CACNB2: variants seen among roughly 807,000 people sequenced by gnomAD.
CACNB2 encodes voltage-dependent L-type calcium channel subunit beta-2.
A neutral mutation model predicts 73.3 loss-of-function variants in CACNB2; 42 were observed. The ratio of observed to expected loss-of-function variants is 0.57; its 90% CI spans 0.45 to 0.74. The LOEUF (loss-of-function observed/expected upper bound fraction) is 0.74, where lower values mean the gene tolerates loss of function less well. Ranked by LOEUF, CACNB2 falls within the 30% of genes least tolerant of loss-of-function variation. The pLI is 0.00. For synonymous variants in CACNB2, 348 were observed against 310.3 expected (o/e 1.12, Z -1.28); for missense variants, 940 against 853.0 (o/e 1.10, Z -1.27).
chr10:18,341,956 T>C (rs2041250788), intron 2 of CACNB2, among the ~76,000 whole-genome samples: 1 of 152,172 alleles, frequency 6.6e-6, no homozygotes, highest in South Asian at 2.1e-4. Context: ...TTAAGTATTG[T>C]ACGTGACAAT....
At position 18,420,995 on chromosome 10, in the gene CACNB2, T is replaced by C. The variant is rs981345961; in HGVS notation, c.333+18952T>C. On this transcript the variant is annotated intron_variant, in intron 3 of 13. Coordinates refer to ENST00000324631, the MANE Select transcript of CACNB2 (RefSeq NM_201596.3). ...GAACCATTTGTTATTAATATTATAC[T>C]TTTGATGAATGACTTGATAAAATAC... Among the ~76,000 whole-genome samples the C allele has an allele frequency of 7.2e-5, 11 of 152,184 alleles. 1 individual carries two copies. The highest frequency in any genetic ancestry group is 5.2e-4 in the Admixed American group (8 of 15,278).
At chr10:18,533,954 C>A (rs2053308637) in intron 10 of CACNB2, 122 bp from the exon 11 acceptor site, 2 of 838,246 alleles carry the variant, frequency 2.4e-6, no homozygotes, top group Non-Finnish European at 3.9e-6. Flanking sequence ...TTTATCAATT[C>A]TATTGCCTGT....
At chr10:18,360,229 T>C (rs1020447806) in intron 2 of CACNB2, among the ~76,000 whole-genome samples, 1 of 152,270 alleles carries the variant, frequency 6.6e-6, no homozygotes, top group East Asian at 1.9e-4. Flanking sequence ...GAGTTCAGTT[T>C]AGGTTTATTT....
At position 18,442,932 on chromosome 10, in the gene CACNB2, ATATATATATGTG is replaced by A. The variant is rs1564553219; in HGVS notation, c.333+40899_333+40910del. On this transcript the variant is annotated intron_variant, in intron 3 of 13. Coordinates refer to ENST00000324631, the MANE Select transcript of CACNB2 (RefSeq NM_201596.3). Reference sequence around the variant, plus strand: ...ACAATATATATATATATATGTATATATATATATATGTGTATATATATATATGTATATATATAT... The same window carrying A: ...ACAATATATATATATATATGTATATATATATATATATATGTATATATATAT... Among the ~76,000 whole-genome samples, 11 of 31,204 alleles carry A rather than the reference ATATATATATGTG, an allele frequency of 3.5e-4. No homozygotes were observed. The East Asian group carries it at 0.012, about 33-fold the overall frequency. 20.5% of individuals were successfully genotyped at this position (31,204 alleles called of 152,430 possible). A position where few individuals can be genotyped will look rare whatever the true frequency, so the allele number is the denominator to read the frequency against.
intron 2 of CACNB2, among the ~76,000 whole-genome samples, chr10:18,161,743 C>G (rs564524821): frequency 2.8e-4 from 42 of 151,788 alleles, no homozygotes; most frequent in African/African-American, 9.9e-4. Context: ...GGCCAACATG[C>G]TGAAACCCTG....
chr10:18,379,167 T>C (rs1002976190), intron 2 of CACNB2, among the ~76,000 whole-genome samples: 1 of 152,226 alleles, frequency 6.6e-6, no homozygotes, highest in African/African-American at 2.4e-5. Flanking sequence ...AAAACATACA[T>C]AATATAAAAT....
At chr10:18,348,263 G>A (rs895736772) in intron 2 of CACNB2, among the ~76,000 whole-genome samples, 1 of 152,218 alleles carries the variant, frequency 6.6e-6, no homozygotes, top group Non-Finnish European at 1.5e-5. Context: ...TAAAAGATCA[G>A]TTGAAAATTT....
intron 2 of CACNB2, among the ~76,000 whole-genome samples, chr10:18,344,167 G>C (rs778660732): frequency 2.0e-5 from 3 of 151,638 alleles, no homozygotes; most frequent in Non-Finnish European, 4.4e-5. Context: ...TCACTCTTCA[G>C]ATATAATTTG....
intron 3 of CACNB2, among the ~76,000 whole-genome samples, chr10:18,496,569 T>G (rs2049828475): frequency 6.6e-6 from 1 of 151,978 alleles, no homozygotes. Context: ...TCCCAGCACT[T>G]TGGGAGGCCA....
intron 3 of CACNB2, among the ~76,000 whole-genome samples, chr10:18,427,085 A>G (rs1481373809): frequency 6.7e-6 from 1 of 149,690 alleles, no homozygotes; most frequent in African/African-American, 2.5e-5. Flanking sequence ...CCTCCCTAGT[A>G]GCTGGGATTA....
intron 2 of CACNB2, among the ~76,000 whole-genome samples, chr10:18,269,313 G>A (rs917697698): frequency 3.9e-5 from 6 of 152,038 alleles, no homozygotes; most frequent in Non-Finnish European, 8.8e-5. Context: ...GTTAGACATG[G>A]CCCCATCCCA....
intron 2 of CACNB2, among the ~76,000 whole-genome samples, chr10:18,251,598 C>A (rs1262748607): frequency 6.6e-6 from 1 of 152,184 alleles, no homozygotes; most frequent in East Asian, 1.9e-4. Flanking sequence ...TTAGTCCGTT[C>A]TCACACTGCT....
chr10:18,438,002 A>ATTTTTTTTTTTTTTTTTTTT, intron 3 of CACNB2, among the ~76,000 whole-genome samples: 1 of 41,748 alleles, frequency 2.4e-5, no homozygotes, highest in Non-Finnish European at 4.2e-5. Flanking sequence ...GCCCAGTTGG[A>ATTTTTTTTTTTTTTTTTTTT]TTTTTTTTTT....
intron 2 of CACNB2, among the ~76,000 whole-genome samples, chr10:18,199,821 C>T (rs548367775): frequency 3.3e-5 from 5 of 151,886 alleles, no homozygotes; most frequent in South Asian, 2.1e-4. Context: ...ATAGTTCAGG[C>T]GAAGTGTGAT....
At chr10:18,474,191 C>T (rs369076761) in intron 3 of CACNB2, among the ~76,000 whole-genome samples, 64 of 152,124 alleles carry the variant, frequency 4.2e-4, no homozygotes, top group East Asian at 1.9e-3. Context: ...TGAACATGAC[C>T]GCAGCTGGCG....
At chr10:18,294,346 G>A (rs1257056236) in intron 2 of CACNB2, among the ~76,000 whole-genome samples, 1 of 152,196 alleles carries the variant, frequency 6.6e-6, no homozygotes, top group Non-Finnish European at 1.5e-5. Flanking sequence ...TGTTCTCTGA[G>A]ATGTGCTGAG....
chr10:18,361,628 T>C lies in CACNB2; in HGVS notation c.214-40296T>C, dbSNP rs576807639. Among the ~76,000 whole-genome samples, 309 of 151,420 alleles carry C rather than the reference T, an allele frequency of 2.0e-3. 1 individual carries two copies. The highest frequency in any genetic ancestry group is 3.6e-3 in the Non-Finnish European group (242 of 67,762). ...GGTAAAATTCTTTTTTTTTTTTTTT[T>C]TCGAAACATAGTCTTGCTCTATTGC... On this transcript the variant is annotated intron_variant, in intron 2 of 13. Transcript: ENST00000324631.
chr10:18,428,799 C>G (rs2045737900), intron 3 of CACNB2, among the ~76,000 whole-genome samples: 1 of 151,922 alleles, frequency 6.6e-6, no homozygotes, highest in African/African-American at 2.4e-5. Flanking sequence ...TAAATGGATA[C>G]CTTAGAAATT....
At chr10:18,499,947 G>A (rs2133029784) in intron 4 of CACNB2, among the ~76,000 whole-genome samples, 1 of 152,196 alleles carries the variant, frequency 6.6e-6, no homozygotes, top group African/African-American at 2.4e-5. Flanking sequence ...CTCCAGCCTG[G>A]GCGACAGAGC....
Sources: gnomAD v4.1 joint callset for allele counts (sites outside exome capture counted in the v4.1 genomes callset) on GRCh38, gnomAD v4.1.1 for gene constraint, MANE v1.5 for transcripts, NCBI Gene and HGNC (gene_info 2026-07-23, HGNC 2026-07-21) for gene names.